The following IGF2BP2 variants were observed in gnomAD, a reference collection of about 807,000 sequenced individuals.
IGF2BP2 encodes the protein insulin-like growth factor 2 mRNA-binding protein 2.
Under a neutral mutation model 75.8 loss-of-function variants are expected in IGF2BP2, and 17 were observed. The observed-to-expected ratio is 0.22, with a 90% CI of 0.15 to 0.34. The LOEUF (loss-of-function observed/expected upper bound fraction) is 0.34, where lower values mean the gene tolerates loss of function less well. Among genes scored for constraint, IGF2BP2 ranks in the 10% least tolerant of loss-of-function variants. The pLI is 1.00. For synonymous variants in IGF2BP2, 288 were observed against 295.6 expected (o/e 0.97, Z 0.26); for missense variants, 516 against 772.4 (o/e 0.67, Z 3.93).
intron 2 of IGF2BP2, among the ~76,000 whole-genome samples, chr3:185,804,992 CAA>C (rs35121167): frequency 7.8e-4 from 89 of 114,548 alleles, no homozygotes; most frequent in Middle Eastern, 5.5e-3. Context: ...GACTCCGTCT[CAA>C]AAAAAAAAAA....
chr3:185,813,134 C>T (rs1005091068), intron 2 of IGF2BP2, among the ~76,000 whole-genome samples: 11 of 152,132 alleles, frequency 7.2e-5, no homozygotes, highest in Admixed American at 1.3e-4. Context: ...AATGCCTTTT[C>T]GACTTACCTA....
intron 2 of IGF2BP2, among the ~76,000 whole-genome samples, chr3:185,742,339 C>CA (rs1221860797): frequency 6.6e-6 from 1 of 151,844 alleles, no homozygotes; most frequent in Non-Finnish European, 1.5e-5. Flanking sequence ...ACTAAAAATA[C>CA]AAAAAAATTA....
intron 2 of IGF2BP2, among the ~76,000 whole-genome samples, chr3:185,729,302 GAACA>G (rs1727813218): frequency 6.6e-6 from 1 of 152,178 alleles, no homozygotes; most frequent in Admixed American, 6.5e-5. Flanking sequence ...GTACTTGACA[GAACA>G]GACAGACAGT....
intron 2 of IGF2BP2, among the ~76,000 whole-genome samples, chr3:185,809,310 C>T (rs778710930): frequency 5.3e-5 from 8 of 152,092 alleles, no homozygotes; most frequent in African/African-American, 2.4e-5. Flanking sequence ...ATTTGCAAAA[C>T]CTATTCTGGT....
intron 2 of IGF2BP2, among the ~76,000 whole-genome samples, chr3:185,807,555 T>A (rs1028289345): frequency 6.6e-6 from 1 of 152,242 alleles, no homozygotes; most frequent in African/African-American, 2.4e-5. Flanking sequence ...TCGTTTCAAT[T>A]TGTTGACTTT....
chr3:185,675,697 C>A, intron 8 of IGF2BP2, 94 bp downstream of exon 8: 1 of 1,440,550 alleles, frequency 6.9e-7, no homozygotes, highest in East Asian at 2.3e-5. Flanking sequence ...TGATTATATT[C>A]CCATTTTAGG....
intron 2 of IGF2BP2, among the ~76,000 whole-genome samples, chr3:185,777,039 T>G (rs1430791561): frequency 6.6e-6 from 1 of 151,744 alleles, no homozygotes. Context: ...TACTAAAGAG[T>G]TGCTACATTA....
chr3:185,681,859 A>C (rs1477442783), intron 7 of IGF2BP2, among the ~76,000 whole-genome samples: 1 of 152,202 alleles, frequency 6.6e-6, no homozygotes, highest in East Asian at 1.9e-4. Flanking sequence ...AACTGGACAC[A>C]CACATAGAAG....
chr3:185,796,439 T>C (rs1032281058), intron 2 of IGF2BP2, among the ~76,000 whole-genome samples: 1 of 151,772 alleles, frequency 6.6e-6, no homozygotes, highest in Non-Finnish European at 1.5e-5. Flanking sequence ...GGCATACGCC[T>C]GTAATCCCAG....
rs1577810010 is a variant in IGF2BP2, at chr3:185,652,112, T to A, written c.1443A>T (p.Pro481=). ...VSERMVIITG[P]PEAQFKAQGR... is the part of the protein sequence containing the mutation. ...CACTAACCTTGAACTGGGCTTCCGG[T>A]GGCCCGGTGATGATGACCATCCTTT... The change falls in exon 13 of 16, where the codon CCA becomes CCT. Residue 481 remains proline (P), a synonymous_variant. Coordinates refer to ENST00000382199, the MANE Select transcript of IGF2BP2 (RefSeq NM_006548.6). 1 of 1,612,816 alleles carries A rather than the reference T, an allele frequency of 6.2e-7. No homozygotes were observed. The highest frequency in any genetic ancestry group is 8.5e-7 in the Non-Finnish European group (1 of 1,179,168).
chr3:185,698,513 T>G (rs1722870180), intron 2 of IGF2BP2, among the ~76,000 whole-genome samples, 166 bp from the exon 3 acceptor site: 1 of 150,800 alleles, frequency 6.6e-6, no homozygotes, highest in African/African-American at 2.4e-5. Context: ...TTTTTTGTTG[T>G]TTTTTTTCGA....
intron 10 of IGF2BP2, among the ~76,000 whole-genome samples, chr3:185,661,989 G>T (rs892959646): frequency 6.6e-6 from 1 of 152,222 alleles, no homozygotes; most frequent in South Asian, 2.1e-4. Context: ...CAGAAAGGAG[G>T]GCAGTGTGGT....
At chr3:185,686,482 C>T (rs1721155085) in intron 7 of IGF2BP2, among the ~76,000 whole-genome samples, 1 of 151,904 alleles carries the variant, frequency 6.6e-6, no homozygotes, top group South Asian at 2.1e-4. Context: ...CTAGTTTCTA[C>T]TACTTAAGGA....
chr3:185,781,389 A>C (rs1366286547), intron 2 of IGF2BP2, among the ~76,000 whole-genome samples: 1 of 152,204 alleles, frequency 6.6e-6, no homozygotes, highest in Non-Finnish European at 1.5e-5. Context: ...CCCGAATAAT[A>C]GGCTGAAAAA....
intron 2 of IGF2BP2, among the ~76,000 whole-genome samples, chr3:185,734,894 A>G (rs1043296826): frequency 2.6e-5 from 4 of 151,852 alleles, no homozygotes; most frequent in Non-Finnish European, 5.9e-5. Flanking sequence ...CAATTACTCA[A>G]CTCCGACGTG....
At chr3:185,788,222 T>C (rs1429865002) in intron 2 of IGF2BP2, among the ~76,000 whole-genome samples, 1 of 152,202 alleles carries the variant, frequency 6.6e-6, no homozygotes, top group Non-Finnish European at 1.5e-5. Context: ...CTGTCATCTC[T>C]AAAGTTGTAT....
chr3:185,730,608 A>G (rs1487406160), intron 2 of IGF2BP2, among the ~76,000 whole-genome samples: 1 of 151,664 alleles, frequency 6.6e-6, no homozygotes, highest in Non-Finnish European at 1.5e-5. Flanking sequence ...CTAATTTTGT[A>G]TTTTTAGTAG....
At chr3:185,746,835 C>T (rs1730310062) in intron 2 of IGF2BP2, among the ~76,000 whole-genome samples, 1 of 152,170 alleles carries the variant, frequency 6.6e-6, no homozygotes, top group Admixed American at 6.5e-5. Context: ...TGTTTGGAAG[C>T]AGGACCAGAA....
Position 185,742,864 on chromosome 3 carries a change from G to A in IGF2BP2, c.240-44517C>T, listed in dbSNP as rs147134489. ...GCCTGTAATCCCAGCACTTTGGGCG[G>A]CTGAGGCGGGCAGATCACGAGGTCA... On this transcript the variant is annotated intron_variant, in intron 2 of 15. Coordinates refer to ENST00000382199, the MANE Select transcript of IGF2BP2 (RefSeq NM_006548.6). 3.4e-4 allele frequency among the ~76,000 whole-genome samples: 52 copies of A among 152,200 alleles called. No homozygotes were observed. In the East Asian group the frequency reaches 8.9e-3, roughly 26 times the overall value.
Sources: gnomAD v4.1 joint callset for allele counts (sites outside exome capture counted in the v4.1 genomes callset) on GRCh38, gnomAD v4.1.1 for gene constraint, MANE v1.5 for transcripts, NCBI Gene and HGNC (gene_info 2026-07-23, HGNC 2026-07-21) for gene names.